Variants in LRRTM4 observed in about 807,000 individuals in gnomAD.
LRRTM4 encodes the protein leucine-rich repeat transmembrane neuronal protein 4.
Under a neutral mutation model 47.6 loss-of-function variants are expected in LRRTM4, and 25 were observed. That is an observed-to-expected ratio of 0.53 (90% CI 0.38 to 0.73). The LOEUF (loss-of-function observed/expected upper bound fraction) is 0.73, where lower values mean the gene tolerates loss of function less well. Ranked by LOEUF, LRRTM4 falls within the 30% of genes least tolerant of loss-of-function variation. The pLI is 0.00. For synonymous variants in LRRTM4, 311 were observed against 269.5 expected (o/e 1.15, Z -1.51); for missense variants, 638 against 713.4 (o/e 0.89, Z 1.20).
chr2:77,137,845 C>A (rs562519205), intron 3 of LRRTM4, among the ~76,000 whole-genome samples: 118 of 152,082 alleles, frequency 7.8e-4, no homozygotes, highest in Non-Finnish European at 1.4e-3. Flanking sequence ...ATAAAACAGA[C>A]TTTAAACCAA....
chr2:76,943,769 T>A (rs1675231949), intron 3 of LRRTM4, among the ~76,000 whole-genome samples: 1 of 152,204 alleles, frequency 6.6e-6, no homozygotes, highest in Middle Eastern at 3.2e-3. Flanking sequence ...ATCTGAATTA[T>A]TAGCATGTAA....
At chr2:77,091,135 T>C (rs971198202) in intron 3 of LRRTM4, among the ~76,000 whole-genome samples, 1 of 151,950 alleles carries the variant, frequency 6.6e-6, no homozygotes, top group Non-Finnish European at 1.5e-5. Flanking sequence ...CTTATTAGGC[T>C]GAGACACTTT....
At chr2:77,003,063 TTC>T (rs568206860) in intron 3 of LRRTM4, among the ~76,000 whole-genome samples, 65 of 152,100 alleles carry the variant, frequency 4.3e-4, no homozygotes, top group African/African-American at 1.4e-3. Flanking sequence ...TCAGTATAAT[TTC>T]TGTTTATTTT....
intron 3 of LRRTM4, among the ~76,000 whole-genome samples, chr2:77,256,027 C>T (rs1010139230): frequency 4.0e-5 from 6 of 151,884 alleles, no homozygotes; most frequent in African/African-American, 1.4e-4. Flanking sequence ...TCTAGTTTAA[C>T]AGCCGAGAGA....
At chr2:77,461,072 T>C (rs1208773693) in intron 3 of LRRTM4, among the ~76,000 whole-genome samples, 1 of 152,074 alleles carries the variant, frequency 6.6e-6, no homozygotes, top group African/African-American at 2.4e-5. Flanking sequence ...TTAAATTTTC[T>C]TTAAAATTCT....
chr2:76,778,418 A>C, intron 3 of LRRTM4, among the ~76,000 whole-genome samples: 2 of 145,824 alleles, frequency 1.4e-5, no homozygotes, highest in African/African-American at 2.7e-5. Context: ...TAAGCTATTG[A>C]TTATTGCCAC....
intron 3 of LRRTM4, among the ~76,000 whole-genome samples, chr2:77,174,274 T>C (rs879673665): frequency 6.6e-6 from 1 of 152,124 alleles, no homozygotes; most frequent in Non-Finnish European, 1.5e-5. Context: ...CAAATAGACA[T>C]AGATGCTGAG....
chr2:77,091,040 C>T (rs926664482), intron 3 of LRRTM4, among the ~76,000 whole-genome samples: 1 of 152,096 alleles, frequency 6.6e-6, no homozygotes, highest in Admixed American at 6.5e-5. Context: ...GCTTCTAAAC[C>T]TCTTAAAACT....
chr2:77,206,570 C>G (rs758591576), intron 3 of LRRTM4, among the ~76,000 whole-genome samples: 4 of 151,812 alleles, frequency 2.6e-5, no homozygotes, highest in African/African-American at 9.7e-5. Context: ...CTATAACCTC[C>G]GCCTCCCGGG....
intron 3 of LRRTM4, among the ~76,000 whole-genome samples, chr2:76,779,327 T>G (rs2104148678): frequency 1.3e-5 from 2 of 151,000 alleles, no homozygotes; most frequent in African/African-American, 4.9e-5. Flanking sequence ...GTTGACTTTC[T>G]GTCTCATTGA....
In LRRTM4 at chr2:76,800,845, A is replaced by G. The variant is rs1460104697; in HGVS notation, c.1552-51929T>C. Among the ~76,000 whole-genome samples the G allele has an allele frequency of 8.1e-5, 12 of 148,960 alleles. No individual in the cohort carries two copies. The East Asian group carries it at 1.8e-3, about 23-fold the overall frequency. On this transcript the variant is annotated intron_variant, in intron 3 of 3. Transcript: ENST00000409884. ...AGACATTTATGCAGCCAAAAAACAC[A>G]TGAAAAAATGCTCATCATCACTGGC...
At chr2:77,350,255 A>G (rs1055397901) in intron 3 of LRRTM4, among the ~76,000 whole-genome samples, 8 of 140,560 alleles carry the variant, frequency 5.7e-5, no homozygotes, top group Non-Finnish European at 9.2e-5. Context: ...GAACCCGGGA[A>G]GCGGAGCTTG....
intron 3 of LRRTM4, among the ~76,000 whole-genome samples, chr2:77,038,484 T>C (rs1558542680): frequency 6.6e-6 from 1 of 151,670 alleles, no homozygotes; most frequent in Non-Finnish European, 1.5e-5. Context: ...GTTCAGAGTC[T>C]ATGAAGTAAT....
At chr2:77,057,542 T>A (rs1679649986) in intron 3 of LRRTM4, among the ~76,000 whole-genome samples, 1 of 152,166 alleles carries the variant, frequency 6.6e-6, no homozygotes. Context: ...TTCCTTACTA[T>A]TAGTAACATG....
intron 3 of LRRTM4, among the ~76,000 whole-genome samples, chr2:77,512,848 T>C (rs960134061): frequency 6.6e-6 from 1 of 152,136 alleles, no homozygotes; most frequent in Non-Finnish European, 1.5e-5. Context: ...AGAGCAATCA[T>C]TTATGAAAAC....
intron 3 of LRRTM4, among the ~76,000 whole-genome samples, chr2:76,883,911 TG>T (rs985710917): frequency 2.6e-5 from 4 of 152,030 alleles, no homozygotes; most frequent in African/African-American, 9.6e-5. Flanking sequence ...CTCAAACTCA[TG>T]GGTTCAAATG....
intron 3 of LRRTM4, among the ~76,000 whole-genome samples, chr2:76,902,681 T>C (rs921969762): frequency 2.3e-4 from 35 of 152,280 alleles, no homozygotes; most frequent in African/African-American, 8.4e-4. Flanking sequence ...TTAGTAAATT[T>C]TGCCTATTTT....
intron 3 of LRRTM4, among the ~76,000 whole-genome samples, chr2:77,397,775 G>C (rs1469166024): frequency 6.6e-6 from 1 of 151,848 alleles, no homozygotes; most frequent in Non-Finnish European, 1.5e-5. Context: ...AATTTAAAAA[G>C]TGATACCTTG....
chr2:76,764,271 G>C (rs1673369187), intron 3 of LRRTM4, among the ~76,000 whole-genome samples: 1 of 152,172 alleles, frequency 6.6e-6, no homozygotes, highest in Non-Finnish European at 1.5e-5. Flanking sequence ...GAAAAAAAGA[G>C]AAAGCATGTT....
Sources: allele counts gnomAD v4.1 joint callset (sites outside exome capture counted in the v4.1 genomes callset), GRCh38; gene constraint gnomAD v4.1.1; transcripts MANE v1.5; gene names NCBI Gene and HGNC (gene_info 2026-07-23, HGNC 2026-07-21).